SVEP1: variants seen among roughly 807,000 people sequenced by gnomAD.
SVEP1 encodes sushi, von Willebrand factor type A, EGF and pentraxin domain containing 1.
In SVEP1, 164 loss-of-function variants were observed where a neutral mutation model predicts 367.3. The ratio of observed to expected loss-of-function variants is 0.45; its 90% confidence interval spans 0.39 to 0.51. The LOEUF (loss-of-function observed/expected upper bound fraction) is 0.51, where lower values mean the gene tolerates loss of function less well. Ranked by LOEUF, SVEP1 falls within the 20% of genes least tolerant of loss-of-function variation. The pLI is 0.00. For synonymous variants in SVEP1, 1,666 were observed against 1,611.6 expected (o/e 1.03, Z -0.81); for missense variants, 4,117 against 4,425.3 (o/e 0.93, Z 1.98).
At chr9:110,410,825 T>A (rs574288840) in intron 37 of SVEP1, among the ~76,000 whole-genome samples, 1 of 152,318 alleles carries the variant, frequency 6.6e-6, no homozygotes, top group East Asian at 1.9e-4. Flanking sequence ...CTAATTAGTC[T>A]CTTACCTCCA....
chr9:110,496,724 CCATGAG>C (rs1471750733), intron 8 of SVEP1, 85 bp downstream of exon 8: 1 of 875,618 alleles, frequency 1.1e-6, no homozygotes, highest in East Asian at 2.7e-5. Context: ...ACAAGTATTA[CCATGAG>C]CATATTAGTA....
rs766861284 is a variant in SVEP1, at chr9:110,407,668, T to C, written c.7932A>G (p.Pro2644=). 6.2e-7 allele frequency: 1 copy of C among 1,614,014 alleles called. No homozygotes were observed. Among genetic ancestry groups the C allele is most frequent in the Non-Finnish European group, 8.5e-7 (1 of 1,179,890 alleles). Residue 2644 remains proline, a synonymous_variant, in exon 38 of 48, where the codon CCA becomes CCG. Coordinates refer to ENST00000374469, the MANE Select transcript of SVEP1 (RefSeq NM_153366.4). ...FEQEDDMMEV[P]YVTPHPPYHL... is the part of the protein sequence containing the mutation. ...GATAAGGAGGGTGAGGAGTCACATA[T>C]GGAACTTCCATCATGTCGTCTTCTT...
intron 47 of SVEP1, 36 bp downstream of exon 47, chr9:110,369,887 A>G: frequency 6.4e-7 from 1 of 1,567,056 alleles, no homozygotes; most frequent in Admixed American, 1.8e-5. Flanking sequence ...TAGAGTCTTC[A>G]TGTTATAGGC....
intron 39 of SVEP1, among the ~76,000 whole-genome samples, chr9:110,401,763 A>C (rs1296165885): frequency 6.6e-6 from 1 of 151,936 alleles, no homozygotes; most frequent in Non-Finnish European, 1.5e-5. Flanking sequence ...TGAAAAATTA[A>C]ATGCAACAAA....
intron 3 of SVEP1, among the ~76,000 whole-genome samples, chr9:110,543,650 G>C (rs139617365): frequency 1.6e-3 from 241 of 152,268 alleles, no homozygotes; most frequent in African/African-American, 5.6e-3. Context: ...GCACAGAGTG[G>C]CTAAGGCTGT....
chr9:110,574,364 C>G (rs765594653), intron 1 of SVEP1, among the ~76,000 whole-genome samples: 1 of 152,180 alleles, frequency 6.6e-6, no homozygotes, highest in Non-Finnish European at 1.5e-5. Context: ...AATTAATAAT[C>G]TCAGAAATGT....
chr9:110,555,794 T>A (rs1055421372), intron 1 of SVEP1, among the ~76,000 whole-genome samples: 1 of 152,114 alleles, frequency 6.6e-6, no homozygotes, highest in Non-Finnish European at 1.5e-5. Context: ...GGTGGGGGAT[T>A]TACTGAAAAT....
intron 3 of SVEP1, among the ~76,000 whole-genome samples, chr9:110,543,195 CAG>C (rs938423657): frequency 6.6e-6 from 1 of 152,122 alleles, no homozygotes; most frequent in Non-Finnish European, 1.5e-5. Flanking sequence ...TACACAAAGA[CAG>C]AGGCACCTCT....
intron 27 of SVEP1, among the ~76,000 whole-genome samples, chr9:110,440,748 C>T (rs1318258115): frequency 6.6e-6 from 1 of 152,134 alleles, no homozygotes; most frequent in East Asian, 1.9e-4. Flanking sequence ...AAAGAATTGT[C>T]TAGCGTGATG....
At chr9:110,402,110 T>C (rs114183653) in intron 39 of SVEP1, among the ~76,000 whole-genome samples, 140 of 152,230 alleles carry the variant, frequency 9.2e-4, no homozygotes, top group African/African-American at 3.3e-3. Flanking sequence ...CTACATATTA[T>C]TGTTTTCTTT....
intron 40 of SVEP1, among the ~76,000 whole-genome samples, chr9:110,390,043 A>ATG (rs1177645168): frequency 5.0e-5 from 6 of 119,038 alleles, no homozygotes; most frequent in African/African-American, 1.8e-4. Context: ...ATATATAAGT[A>ATG]TATATACACG....
chr9:110,555,074 C>T (rs541502604), intron 1 of SVEP1, among the ~76,000 whole-genome samples: 122 of 152,178 alleles, frequency 8.0e-4, no homozygotes, highest in Non-Finnish European at 1.2e-3. Flanking sequence ...GAGTTGTTCC[C>T]CTCTGAAGTC....
In SVEP1 at chr9:110,446,048, A is replaced by G. The variant is rs1368247647; in HGVS notation, c.4262-10T>C. The G allele has an allele frequency of 6.3e-7, 1 of 1,599,204 alleles. No individual in the cohort carries two copies. The highest frequency in any genetic ancestry group is 2.3e-5 in the East Asian group (1 of 44,442). The stretch of plus-strand genomic sequence containing the variant: ...AAGCCTGTAGACTGTTCTGCAATGA[A>G]TAAGAAAAGTGTGCAGACTGTGGCA... On this transcript the variant is annotated splice_polypyrimidine_tract_variant and intron_variant, in intron 25 of 47. Transcript: ENST00000374469.
intron 24 of SVEP1, among the ~76,000 whole-genome samples, chr9:110,448,657 G>C (rs1309248337): frequency 6.6e-6 from 1 of 152,174 alleles, no homozygotes; most frequent in Non-Finnish European, 1.5e-5. Flanking sequence ...TTGGGAGCGT[G>C]TACCTTCACC....
chr9:110,440,984 A>G (rs1281959147), intron 27 of SVEP1, among the ~76,000 whole-genome samples: 1 of 152,220 alleles, frequency 6.6e-6, no homozygotes, highest in Non-Finnish European at 1.5e-5. Flanking sequence ...ACTCGTCCGG[A>G]ATTCTCTGTT....
intron 3 of SVEP1, among the ~76,000 whole-genome samples, chr9:110,523,453 A>T (rs1829903343): frequency 1.3e-5 from 2 of 152,218 alleles, no homozygotes; most frequent in South Asian, 2.1e-4. Flanking sequence ...AGAAATAAAA[A>T]TCAGAGAGAA....
chr9:110,499,074 A>G lies in SVEP1; in HGVS notation c.1648T>C (p.Trp550Arg). 6.2e-7 allele frequency: 1 copy of G among 1,613,662 alleles called. No individual in the cohort carries two copies. Among genetic ancestry groups the G allele is most frequent in the Non-Finnish European group, 8.5e-7 (1 of 1,179,756 alleles). ...ACAGCTGCCTGAACTCCGACATTCC[A>G]TTTTCCAGAAGTGGTACATCTCAGC... ...EMLRCTTSGK[W>R]NVGVQAAVCK... The change falls in exon 7 of 48, where the codon TGG becomes CGG. Residue 550 changes from tryptophan to arginine, a missense_variant. Trp to Arg is a moderately radical substitution (Grantham distance 101). Transcript: ENST00000374469.
At position 110,566,184 on chromosome 9, in the gene SVEP1, T is replaced by C. The variant is rs536453739; in HGVS notation, c.531+12829A>G. ...AAATACAAAAAGAATTAGCCAGGTG[T>C]GGTGGCTCACACCTGTATTCCCAGC... On this transcript the variant is annotated intron_variant, in intron 1 of 47. Transcript: ENST00000374469. Among the ~76,000 whole-genome samples the C allele has an allele frequency of 4.0e-5, 6 of 151,594 alleles. No homozygotes were observed. The South Asian group carries it at 1.3e-3, about 32-fold the overall frequency.
intron 3 of SVEP1, among the ~76,000 whole-genome samples, chr9:110,541,750 C>T (rs538305835): frequency 9.4e-5 from 14 of 148,918 alleles, no homozygotes; most frequent in African/African-American, 1.5e-4. Flanking sequence ...TATCTACATA[C>T]ATCTATATAC....
Sources: allele counts gnomAD v4.1 joint callset (sites outside exome capture counted in the v4.1 genomes callset), GRCh38; gene constraint gnomAD v4.1.1; transcripts MANE v1.5; gene names NCBI Gene and HGNC (gene_info 2026-07-23, HGNC 2026-07-21).